The following TACR3 variants were observed in gnomAD, a reference collection of about 807,000 sequenced individuals.
TACR3 encodes the protein neuromedin-K receptor.
In TACR3, 34 loss-of-function variants were observed where a neutral mutation model predicts 35.0. The ratio of observed to expected loss-of-function variants is 0.97; its 90% CI spans 0.74 to 1.30. The LOEUF (loss-of-function observed/expected upper bound fraction) is 1.30. Among genes scored for constraint, TACR3 ranks in the 50% most tolerant of loss-of-function variants. The pLI is 0.00. For synonymous variants in TACR3, 233 were observed against 221.1 expected (o/e 1.05, Z -0.48); for missense variants, 558 against 591.7 (o/e 0.94, Z 0.59).
intron 1 of TACR3, among the ~76,000 whole-genome samples, chr4:103,699,523 C>T (rs1578262771): frequency 6.6e-6 from 1 of 152,116 alleles, no homozygotes; most frequent in East Asian, 1.9e-4. Context: ...AATAGGTTCA[C>T]TCTGGCTGTT....
chr4:103,682,213 C>A (rs1722115710), intron 1 of TACR3, among the ~76,000 whole-genome samples: 1 of 152,116 alleles, frequency 6.6e-6, no homozygotes, highest in Admixed American at 6.6e-5. Flanking sequence ...CTTATGGCCA[C>A]CTCAAACTCC....
chr4:103,591,310 C>A, intron 4 of TACR3, 177 bp downstream of exon 4: 1 of 689,362 alleles, frequency 1.5e-6, no homozygotes. Context: ...ATGTGGGATG[C>A]TTTATAAAGT....
chr4:103,685,239 G>T (rs1438876610), intron 1 of TACR3, among the ~76,000 whole-genome samples: 1 of 151,720 alleles, frequency 6.6e-6, no homozygotes, highest in Non-Finnish European at 1.5e-5. Context: ...TTTTGTCAAT[G>T]GTATAAAGGC....
chr4:103,676,273 C>T (rs1359321128), intron 1 of TACR3, among the ~76,000 whole-genome samples: 1 of 152,016 alleles, frequency 6.6e-6, no homozygotes, highest in Non-Finnish European at 1.5e-5. Context: ...AGGACTTCAG[C>T]ATGTATATAG....
intron 1 of TACR3, among the ~76,000 whole-genome samples, chr4:103,673,830 T>C (rs1306296796): frequency 6.6e-6 from 1 of 152,188 alleles, no homozygotes; most frequent in Non-Finnish European, 1.5e-5. Context: ...AAATAATATT[T>C]CTAGTAGTCA....
At chr4:103,632,017 T>C (rs1725077476) in intron 3 of TACR3, among the ~76,000 whole-genome samples, 1 of 152,146 alleles carries the variant, frequency 6.6e-6, no homozygotes. Context: ...AACTAAAGAA[T>C]CATACATGGT....
intron 1 of TACR3, among the ~76,000 whole-genome samples, chr4:103,666,628 G>A (rs1725942028): frequency 6.6e-6 from 1 of 152,014 alleles, no homozygotes; most frequent in African/African-American, 2.4e-5. Context: ...ATTACAAAAT[G>A]ATTTGTATCA....
chr4:103,678,762 TGA>T (rs1341439929), intron 1 of TACR3, among the ~76,000 whole-genome samples: 1 of 148,702 alleles, frequency 6.7e-6, no homozygotes, highest in Non-Finnish European at 1.5e-5. Flanking sequence ...AGTTCATGCA[TGA>T]GATACACTTA....
intron 1 of TACR3, among the ~76,000 whole-genome samples, chr4:103,699,818 G>A (rs1290796085): frequency 6.6e-6 from 1 of 152,062 alleles, no homozygotes; most frequent in Non-Finnish European, 1.5e-5. Flanking sequence ...CGTTTTAGAG[G>A]AACGTCAGGA....
intron 3 of TACR3, among the ~76,000 whole-genome samples, chr4:103,614,217 C>G (rs1325868948): frequency 1.3e-5 from 2 of 152,156 alleles, no homozygotes; most frequent in Non-Finnish European, 2.9e-5. Flanking sequence ...AAACAAATAT[C>G]AAGAACAAGA....
intron 3 of TACR3, among the ~76,000 whole-genome samples, chr4:103,635,838 TTACTGAA>T (rs1725176199): frequency 1.3e-5 from 2 of 151,982 alleles, no homozygotes; most frequent in Admixed American, 6.6e-5. Flanking sequence ...TACCAACATA[TTACTGAA>T]TCAGTACCAG....
At chr4:103,636,615 C>CA (rs1402735031) in intron 3 of TACR3, among the ~76,000 whole-genome samples, 1 of 151,798 alleles carries the variant, frequency 6.6e-6, no homozygotes, top group Non-Finnish European at 1.5e-5. Context: ...AATAGAGACA[C>CA]AAAAAACCCT....
intron 1 of TACR3, among the ~76,000 whole-genome samples, chr4:103,673,182 T>A (rs1011312039): frequency 6.6e-6 from 1 of 152,190 alleles, no homozygotes; most frequent in African/African-American, 2.4e-5. Flanking sequence ...TACCATTTGG[T>A]GTTCACTGGA....
At chr4:103,717,574 T>C (rs1723118599) in intron 1 of TACR3, among the ~76,000 whole-genome samples, 1 of 152,178 alleles carries the variant, frequency 6.6e-6, no homozygotes, top group Admixed American at 6.5e-5. Context: ...TGCACTAAAA[T>C]TTTCTTCAAA....
Position 103,673,671 on chromosome 4 carries a change from C to T in TACR3, c.549-15268G>A, listed in dbSNP as rs902864106. On this transcript the variant is annotated intron_variant, in intron 1 of 4. Transcript: ENST00000304883. ...ACACGAAAAAATGAAGTGACACATG[C>T]TACCAGCAAAATGGCACCAATAGTT... 5.3e-5 allele frequency among the ~76,000 whole-genome samples: 8 copies of T among 151,978 alleles called. No homozygotes were observed. In the East Asian group the frequency reaches 1.5e-3, roughly 29 times the overall value.
At chr4:103,640,546 TC>T (rs750999784) in intron 3 of TACR3, among the ~76,000 whole-genome samples, 1 of 152,010 alleles carries the variant, frequency 6.6e-6, no homozygotes, top group Non-Finnish European at 1.5e-5. Flanking sequence ...TTGTTTGAAT[TC>T]CTTATGTATT....
At chr4:103,628,181 C>T (rs1387549534) in intron 3 of TACR3, among the ~76,000 whole-genome samples, 1 of 152,110 alleles carries the variant, frequency 6.6e-6, no homozygotes, top group East Asian at 1.9e-4. Flanking sequence ...TAAATGCCCA[C>T]AAGAGAAAGC....
intron 1 of TACR3, among the ~76,000 whole-genome samples, chr4:103,711,380 A>G (rs993462887): frequency 4.6e-5 from 7 of 152,336 alleles, no homozygotes; most frequent in Middle Eastern, 3.4e-3. Context: ...AAACAGAACC[A>G]ATGACAAAAA....
rs189894764 is a variant in TACR3 at position 103,634,714 on chromosome 4, G to A, written c.888+21480C>T. Among the ~76,000 whole-genome samples the A allele has an allele frequency of 2.9e-3, 445 of 152,102 alleles. 1 individual carries two copies. The highest frequency in any genetic ancestry group is 0.017 in the South Asian group (81 of 4,822). On this transcript the variant is annotated intron_variant, in intron 3 of 4. Transcript: ENST00000304883. The stretch of plus-strand genomic sequence containing the variant: ...TTTGTTTCTATTTTCTGTCAATAGC[G>A]TCCTCATTTTCTTAGCAATTAATCT...
Sources: allele counts gnomAD v4.1 joint callset (sites outside exome capture counted in the v4.1 genomes callset), GRCh38; gene constraint gnomAD v4.1.1; transcripts MANE v1.5; gene names NCBI Gene and HGNC (gene_info 2026-07-23, HGNC 2026-07-21).